The following RIC1 variants were observed in gnomAD, a reference collection of about 807,000 sequenced individuals.
RIC1 encodes the protein guanine nucleotide exchange factor subunit RIC1.
Under a neutral mutation model 169.0 loss-of-function variants are expected in RIC1, and 88 were observed. That is an observed-to-expected ratio of 0.52 (90% CI 0.44 to 0.62). The LOEUF (loss-of-function observed/expected upper bound fraction) is 0.62. Ranked by LOEUF, RIC1 falls within the 20% of genes least tolerant of loss-of-function variation. The pLI, the probability that RIC1 is intolerant of heterozygous loss-of-function variation, is 0.00. For missense variants in RIC1, 1,877 were observed against 1,725.5 expected (o/e 1.09, Z -1.56); for synonymous variants, 790 against 601.5 (o/e 1.31, Z -4.59).
chr9:5,769,449 C>T, intron 22 of RIC1, 193 bp downstream of exon 22: 1 of 1,487,284 alleles, frequency 6.7e-7, no homozygotes. Context: ...GAACCTATGT[C>T]TCTAAGTCTT....
intron 16 of RIC1, among the ~76,000 whole-genome samples, chr9:5,756,652 A>G (rs980751689): frequency 6.6e-6 from 1 of 152,156 alleles, no homozygotes; most frequent in Non-Finnish European, 1.5e-5. Context: ...TTTTTTCACA[A>G]CCTTGAAAAT....
At chr9:5,654,164 A>C (rs1207856037) in intron 1 of RIC1, among the ~76,000 whole-genome samples, 1 of 151,728 alleles carries the variant, frequency 6.6e-6, no homozygotes. Context: ...ATGCCCAGCT[A>C]ATTTTTGTAT....
At chr9:5,690,635 T>C (rs1308385106) in intron 3 of RIC1, among the ~76,000 whole-genome samples, 2 of 151,554 alleles carry the variant, frequency 1.3e-5, no homozygotes, top group African/African-American at 4.8e-5. Context: ...TTCTAGATGG[T>C]GGAAGATATC....
At chr9:5,640,478 G>A (rs1818185919) in intron 1 of RIC1, among the ~76,000 whole-genome samples, 1 of 152,002 alleles carries the variant, frequency 6.6e-6, no homozygotes, top group South Asian at 2.1e-4. Context: ...ACTATGTCTT[G>A]AAAAGTTGTC....
Position 5,629,396 on chromosome 9 carries a change from G to C in RIC1, c.87G>C (p.Pro29=), listed in dbSNP as rs569958830. 4 of 1,533,408 alleles carry C rather than the reference G, an allele frequency of 2.6e-6. No homozygotes were observed. The highest frequency in any genetic ancestry group is 2.5e-5 in the East Asian group (1 of 40,584). 95.0% of individuals were successfully genotyped at this position (1,533,408 alleles called of 1,614,324 possible). The part of the protein sequence containing the change: ...AEAPFHVQSD[P]QRAFFAVLAA... ...CGCCTTTCCACGTTCAGTCCGACCC[G>C]CAGAGGGCTTTCTTCGCCGTGCTGG... The change falls in exon 1 of 26, where the codon CCG becomes CCC. Residue 29 remains proline (P), a synonymous_variant. Coordinates refer to ENST00000414202, the MANE Select transcript of RIC1 (RefSeq NM_020829.4).
At chr9:5,690,289 C>G (rs764291305) in intron 3 of RIC1, among the ~76,000 whole-genome samples, 22 of 151,940 alleles carry the variant, frequency 1.4e-4, no homozygotes, top group Non-Finnish European at 2.8e-4. Flanking sequence ...TTAATATATT[C>G]CAGGTCTAGC....
intron 17 of RIC1, among the ~76,000 whole-genome samples, chr9:5,762,224 T>C (rs572982081): frequency 3.3e-5 from 5 of 152,384 alleles, no homozygotes; most frequent in East Asian, 1.9e-4. Flanking sequence ...TCTGTTGTTA[T>C]GACAGCTAGA....
chr9:5,732,373 T>A lies in RIC1; in HGVS notation c.721-15T>A, dbSNP rs1396873008. ...GAAACACTTTTTAAGCCTTAACTATTTTTCTTTATTATAGCAGCTTCATGG... is the reference window on the plus strand; with the variant it reads ...GAAACACTTTTTAAGCCTTAACTATATTTCTTTATTATAGCAGCTTCATGG... On this transcript the variant is annotated splice_polypyrimidine_tract_variant and intron_variant, in intron 6 of 25. Coordinates refer to ENST00000414202, the MANE Select transcript of RIC1 (RefSeq NM_020829.4). 8 of 1,596,038 alleles carry A rather than the reference T, an allele frequency of 5.0e-6. No individual in the cohort carries two copies. The African/African-American group carries it at 5.4e-5, about 11-fold the overall frequency.
At position 5,774,156 on chromosome 9, in the gene RIC1, C is replaced by CA. The variant is rs1554616271; in HGVS notation, c.4184dup (p.Asn1395LysfsTer52). 1 of 1,613,874 alleles carries CA rather than the reference C, an allele frequency of 6.2e-7. No individual in the cohort carries two copies. Among genetic ancestry groups the CA allele is most frequent in the African/African-American group, 1.3e-5 (1 of 74,882 alleles). On this transcript the variant is annotated frameshift_variant, in exon 26 of 26. Transcript: ENST00000414202. LOFTEE classifies it high-confidence loss of function. ...TCCCCCAGGGTGAAGTTGGAAGCAG[C>CA]AATATGGTCAGCCGGAAAGAGGAGG...
chr9:5,766,324 A>G (rs1452183416), intron 21 of RIC1, among the ~76,000 whole-genome samples: 1 of 152,166 alleles, frequency 6.6e-6, no homozygotes, highest in Non-Finnish European at 1.5e-5. Context: ...TACAAGCGTG[A>G]GCCACCCTAC....
chr9:5,743,607 G>T, intron 9 of RIC1, 82 bp from the exon 10 acceptor site: 1 of 1,153,162 alleles, frequency 8.7e-7, no homozygotes, highest in South Asian at 1.4e-5. Context: ...AAATCCGTTT[G>T]ATTTTTTAAA....
chr9:5,638,002 A>G (rs1818059017), intron 1 of RIC1, among the ~76,000 whole-genome samples: 1 of 152,092 alleles, frequency 6.6e-6, no homozygotes, highest in Non-Finnish European at 1.5e-5. Context: ...TATGGCTTTT[A>G]TTATGTTGAG....
At chr9:5,720,568 TTATTA>T in intron 5 of RIC1, 41 bp from the exon 6 acceptor site, 1 of 1,524,826 alleles carries the variant, frequency 6.6e-7, no homozygotes, top group Non-Finnish European at 8.8e-7. Context: ...AGAGAGTAAT[TTATTA>T]TATTCTTAAT....
intron 1 of RIC1, among the ~76,000 whole-genome samples, chr9:5,652,187 A>G (rs911096536): frequency 6.6e-6 from 1 of 152,112 alleles, no homozygotes; most frequent in Non-Finnish European, 1.5e-5. Flanking sequence ...TGCTTTGGCT[A>G]TTTGAGGTCC....
intron 3 of RIC1, chr9:5,712,729 A>G (rs1172052163): frequency 6.6e-6 from 1 of 152,210 alleles, no homozygotes; most frequent in East Asian, 1.9e-4. Flanking sequence ...GTAAATCATC[A>G]CAGACTGTGT....
At chr9:5,718,552 C>G (rs866432259) in intron 4 of RIC1, among the ~76,000 whole-genome samples, 11 of 152,298 alleles carry the variant, frequency 7.2e-5, no homozygotes, top group Admixed American at 2.6e-4. Flanking sequence ...TATTGTGTGA[C>G]TCAGGCCCCA....
chr9:5,768,856 T>G (rs1406586986), intron 21 of RIC1, 114 bp from the exon 22 acceptor site: 3 of 1,134,990 alleles, frequency 2.6e-6, no homozygotes, highest in South Asian at 1.6e-5. Context: ...TCAATCAGAA[T>G]TAGATCTTGG....
intron 6 of RIC1, among the ~76,000 whole-genome samples, chr9:5,726,248 G>A (rs964771569): frequency 6.6e-6 from 1 of 152,170 alleles, no homozygotes; most frequent in African/African-American, 2.4e-5. Context: ...TGTATTGGGT[G>A]CATATATATT....
intron 2 of RIC1, among the ~76,000 whole-genome samples, chr9:5,688,426 T>C (rs1821383521): frequency 6.6e-6 from 1 of 152,232 alleles, no homozygotes; most frequent in Admixed American, 6.5e-5. Context: ...AAGTATTTCA[T>C]AGATTTTGTC....
Sources: allele counts gnomAD v4.1 joint callset (sites outside exome capture counted in the v4.1 genomes callset), GRCh38; gene constraint gnomAD v4.1.1; transcripts MANE v1.5; gene names NCBI Gene and HGNC (gene_info 2026-07-23, HGNC 2026-07-21).